The following EIF2S1 variants were observed in gnomAD, a reference collection of about 807,000 sequenced individuals.
EIF2S1 encodes eukaryotic translation initiation factor 2 subunit alpha.
EIF2S1 carries 5 observed loss-of-function variants against 33.5 expected under a neutral mutation model. The observed-to-expected ratio is 0.15, with a 90% CI of 0.08 to 0.31. The LOEUF (loss-of-function observed/expected upper bound fraction) is 0.31, where lower values mean the gene tolerates loss of function less well. Ranked by LOEUF, EIF2S1 falls within the 10% of genes least tolerant of loss-of-function variation. EIF2S1 has a pLI of 1.00. For synonymous variants in EIF2S1, 99 were observed against 127.5 expected (o/e 0.78, Z 1.51); for missense variants, 191 against 384.6 (o/e 0.50, Z 4.21).
chr14:67,375,658 G>T (rs1402416408), intron 3 of EIF2S1, among the ~76,000 whole-genome samples: 2 of 152,146 alleles, frequency 1.3e-5, no homozygotes, highest in Non-Finnish European at 2.9e-5. Flanking sequence ...TGTATTTACA[G>T]TTATGCAGTG....
At chr14:67,379,325 C>T (rs1197817488) in intron 4 of EIF2S1, among the ~76,000 whole-genome samples, 1 of 152,140 alleles carries the variant, frequency 6.6e-6, no homozygotes, top group Non-Finnish European at 1.5e-5. Context: ...ATTTTTTCTC[C>T]TTTTTCTAGT....
In EIF2S1 at chr14:67,382,449, T is replaced by C; in HGVS notation, c.681T>C (p.Ile227=). Residue 227 remains isoleucine, a splice_region_variant and synonymous_variant, in exon 7 of 8, where the codon ATT becomes ATC. Coordinates refer to ENST00000256383, the MANE Select transcript of EIF2S1 (RefSeq NM_004094.5). ...NCSTENMPIK[I]NLIAPPRYVM... is the part of the protein sequence containing the mutation. ...GAATTTTTGTCTTTCTCTTTTAGAT[T>C]AATCTAATAGCTCCTCCTCGGTATG... is the stretch of plus-strand genomic sequence containing the variant. The C allele has an allele frequency of 6.8e-6, 11 of 1,611,376 alleles. No individual in the cohort carries two copies. The highest frequency in any genetic ancestry group is 9.3e-6 in the Non-Finnish European group (11 of 1,178,890).
At chr14:67,381,459 G>A in intron 5 of EIF2S1, 134 bp from the exon 6 acceptor site, 1 of 545,038 alleles carries the variant, frequency 1.8e-6, no homozygotes. Flanking sequence ...TTATAAATAA[G>A]GAACTGCAGT....
chr14:67,361,695 G>C (rs2085742647), intron 1 of EIF2S1, among the ~76,000 whole-genome samples: 1 of 152,204 alleles, frequency 6.6e-6, no homozygotes, highest in Non-Finnish European at 1.5e-5. Flanking sequence ...AATTAGCCTG[G>C]AGTTTGGTTG....
At position 67,374,219 on chromosome 14, in the gene EIF2S1, C is replaced by G. The variant is rs889461071; in HGVS notation, c.242-249C>G. Among the ~76,000 whole-genome samples, 5 of 152,076 alleles carry G rather than the reference C, an allele frequency of 3.3e-5. No homozygotes were observed. In the East Asian group the frequency reaches 9.6e-4, roughly 29 times the overall value. On this transcript the variant is annotated intron_variant, in intron 2 of 7. Coordinates refer to ENST00000256383, the MANE Select transcript of EIF2S1 (RefSeq NM_004094.5). ...ATTTCAGATTTTGGATTTTCAGATT[C>G]GGGATGCTCTAACTAGTAAATACAT...
At chr14:67,382,422 A>T (rs2296561) in intron 6 of EIF2S1, 25 bp from the exon 7 acceptor site, 282,725 of 1,596,662 alleles carry the variant, frequency 0.18, 40,833 homozygotes, top group African/African-American at 0.65. Flanking sequence ...ACATTCATAA[A>T]TGAATTTTTG....
At chr14:67,372,012 C>T (rs1421603533) in intron 2 of EIF2S1, among the ~76,000 whole-genome samples, 1 of 152,088 alleles carries the variant, frequency 6.6e-6, no homozygotes, top group Non-Finnish European at 1.5e-5. Context: ...GGCCTGTAAT[C>T]TCAGCACTTT....
intron 1 of EIF2S1, among the ~76,000 whole-genome samples, chr14:67,362,239 C>T (rs2085747440): frequency 6.6e-6 from 1 of 151,810 alleles, no homozygotes; most frequent in Admixed American, 6.6e-5. Flanking sequence ...AGGCTGGCCT[C>T]GAACTCCTGG....
rs1019903528 is a variant in EIF2S1, at chr14:67,376,359, T to C, written c.322-80T>C. ...TGTTAAGGAATTATTGTAGCCAAATTATGTTATTTACTAAAATGTAAAAAC... is the reference window on the plus strand; with the variant it reads ...TGTTAAGGAATTATTGTAGCCAAATCATGTTATTTACTAAAATGTAAAAAC... On this transcript the variant is annotated intron_variant, in intron 3 of 7. Coordinates refer to ENST00000256383, the MANE Select transcript of EIF2S1 (RefSeq NM_004094.5). The C allele has an allele frequency of 2.3e-6, 3 of 1,331,270 alleles. No homozygotes were observed. The African/African-American group carries it at 4.4e-5, about 20-fold the overall frequency. The allele number at this position is 1,331,270 out of a possible 1,614,324, so 82.5% of individuals were successfully genotyped here. A position where few individuals can be genotyped will look rare whatever the true frequency, so the allele number is the denominator to read the frequency against.
In EIF2S1 at chr14:67,364,773, G is replaced by T; in HGVS notation, c.6G>T (p.Pro2=). 2 of 1,608,130 alleles carry T rather than the reference G, an allele frequency of 1.2e-6. No individual in the cohort carries two copies. Among genetic ancestry groups the T allele is most frequent in the South Asian group, 1.1e-5 (1 of 90,498 alleles). The change falls in exon 2 of 8, where the codon CCG becomes CCT. Residue 2 remains proline, a synonymous_variant. Coordinates refer to ENST00000256383, the MANE Select transcript of EIF2S1 (RefSeq NM_004094.5). The stretch of plus-strand genomic sequence containing the variant: ...TCTTTTGTTTAAATTGCAGAATGCC[G>T]GGTCTAAGTTGTAGATTTTATCAAC... M[P]GLSCRFYQHK...
At chr14:67,379,289 C>T (rs973184561) in intron 4 of EIF2S1, among the ~76,000 whole-genome samples, 2 of 152,174 alleles carry the variant, frequency 1.3e-5, no homozygotes, top group Non-Finnish European at 2.9e-5. Context: ...TTCACCAAAT[C>T]CTTGCCACAA....
At position 67,380,745 on chromosome 14, in the gene EIF2S1, A is replaced by G; in HGVS notation, c.560A>G (p.Gln187Arg). The G allele has an allele frequency of 1.3e-6, 2 of 1,540,880 alleles. No individual in the cohort carries two copies. Among genetic ancestry groups the G allele is most frequent in the East Asian group, 2.4e-5 (1 of 41,668 alleles). Residue 187 changes from glutamine (Q) to arginine (R), a missense_variant, in exon 5 of 8, where the codon CAG (glutamine) becomes CGG (arginine). Physicochemically the swap from Gln to Arg is conservative, Grantham distance 43. Transcript: ENST00000256383. ...AATATTAATAGGCGCTTGACCCCAC[A>G]GGCTGTCAAAATTCGAGCAGGTAAA... ...INNINRRLTPQAVKIRADIEV... is the reference protein window; with the variant it reads ...INNINRRLTPRAVKIRADIEV...
At chr14:67,374,577 A>T (rs989670212) in intron 3 of EIF2S1, 30 bp downstream of exon 3, 1 of 1,411,874 alleles carries the variant, frequency 7.1e-7, no homozygotes, top group Non-Finnish European at 9.9e-7. Context: ...AAATTAGTCC[A>T]CTATCTGTGT....
At chr14:67,367,120 C>T (rs973321131) in intron 2 of EIF2S1, among the ~76,000 whole-genome samples, 8 of 152,166 alleles carry the variant, frequency 5.3e-5, no homozygotes, top group Admixed American at 5.2e-4. Context: ...GGGTGGACTC[C>T]AGGTAGCCTA....
At chr14:67,367,618 C>T (rs935338762) in intron 2 of EIF2S1, among the ~76,000 whole-genome samples, 2 of 137,898 alleles carry the variant, frequency 1.5e-5, no homozygotes, top group African/African-American at 6.1e-5. Flanking sequence ...GGGCACGTTG[C>T]GTGAACTCAC....
At chr14:67,366,310 G>A (rs540535455) in intron 2 of EIF2S1, among the ~76,000 whole-genome samples, 30 of 152,230 alleles carry the variant, frequency 2.0e-4, no homozygotes, top group South Asian at 1.0e-3. Context: ...GGGCTCAAGC[G>A]ATTCTCCTGC....
chr14:67,380,207 G>T (rs956201877), intron 4 of EIF2S1, among the ~76,000 whole-genome samples: 1 of 152,182 alleles, frequency 6.6e-6, no homozygotes, highest in African/African-American at 2.4e-5. Context: ...TGGCACTTAG[G>T]AGGGTCAGAT....
chr14:67,361,716 A>C (rs1339871424), intron 1 of EIF2S1, among the ~76,000 whole-genome samples: 1 of 152,234 alleles, frequency 6.6e-6, no homozygotes, highest in Non-Finnish European at 1.5e-5. Context: ...ATATATTTTG[A>C]AAGGTGGCTG....
intron 5 of EIF2S1, 127 bp downstream of exon 5, chr14:67,380,892 T>A: frequency 2.1e-6 from 1 of 468,990 alleles, no homozygotes; most frequent in Non-Finnish European, 3.7e-6. Flanking sequence ...GGTTGTTTTT[T>A]ATAACAAAAG....
Sources: allele counts gnomAD v4.1 joint callset (sites outside exome capture counted in the v4.1 genomes callset), GRCh38; gene constraint gnomAD v4.1.1; transcripts MANE v1.5; gene names NCBI Gene and HGNC (gene_info 2026-07-23, HGNC 2026-07-21).